Variants in BOD1L1 observed in about 807,000 individuals in gnomAD.
BOD1L1 encodes biorientation of chromosomes in cell division protein 1-like 1.
BOD1L1 carries 86 observed loss-of-function variants against 240.7 expected under a neutral mutation model. That is an observed-to-expected ratio of 0.36 (90% CI 0.30 to 0.43). The LOEUF is 0.43. Among genes scored for constraint, BOD1L1 ranks in the 20% least tolerant of loss-of-function variants. The pLI, the probability that BOD1L1 is intolerant of heterozygous loss-of-function variation, is 1.00. For missense variants in BOD1L1, 3,554 were observed against 3,643.5 expected (o/e 0.98, Z 0.63); for synonymous variants, 1,268 against 1,272.3 (o/e 1.00, Z 0.07).
At chr4:13,625,878 T>C (rs1035309708) in intron 1 of BOD1L1, 13 of 152,156 alleles carry the variant, frequency 8.5e-5, no homozygotes, top group African/African-American at 1.7e-4. Context: ...ACGTTTTACA[T>C]AGTGGGCCCA....
At chr4:13,573,470 A>ATCTATCTATCTT (rs71169517) in intron 25 of BOD1L1, among the ~76,000 whole-genome samples, 1,244 of 122,692 alleles carry the variant, frequency 0.01, 15 homozygotes, top group Non-Finnish European at 0.012. Flanking sequence ...CTATCTATCT[A>ATCTATCTATCTT]TCTTTCTTTC....
chr4:13,591,271 T>A (rs888459228), intron 13 of BOD1L1, among the ~76,000 whole-genome samples: 1 of 152,230 alleles, frequency 6.6e-6, no homozygotes, highest in Non-Finnish European at 1.5e-5. Flanking sequence ...TTTCTTCTTA[T>A]TCAGCATATG....
chr4:13,611,208 A>C (rs1716144303), intron 5 of BOD1L1, 108 bp from the exon 6 acceptor site: 3 of 700,004 alleles, frequency 4.3e-6, no homozygotes, highest in Non-Finnish European at 6.8e-6. Flanking sequence ...CAAAAGGGGA[A>C]ATATCAGGAT....
intron 22 of BOD1L1, among the ~76,000 whole-genome samples, chr4:13,579,085 T>C (rs1713007691): frequency 6.6e-6 from 1 of 152,180 alleles, no homozygotes; most frequent in Admixed American, 6.6e-5. Context: ...TTGTCCTTTT[T>C]TGCAAGTTTA....
At chr4:13,627,029 C>A (rs1043522402) in intron 1 of BOD1L1, among the ~76,000 whole-genome samples, 1 of 152,196 alleles carries the variant, frequency 6.6e-6, no homozygotes, top group Admixed American at 6.6e-5. Flanking sequence ...AAAGTAAAAT[C>A]ATCAGATATG....
chr4:13,627,451 G>T lies in BOD1L1; in HGVS notation c.137C>A (p.Ala46Glu). The T allele has an allele frequency of 1.6e-6, 2 of 1,217,140 alleles. No individual in the cohort carries two copies. Among genetic ancestry groups the T allele is most frequent in the South Asian group, 2.5e-5 (1 of 40,538 alleles). The allele number at this position is 1,217,140 out of a possible 1,614,324, so 75.4% of individuals were successfully genotyped here. ...CACGAGCTGCGGGTCCCCGGCGCCC[G>T]CACCCGCGCCGCCCGCCCCGCCCGC... is the stretch of plus-strand genomic sequence containing the variant. ...PGAGGAGGAG[A>E]GAGDPQLVAM... Residue 46 changes from alanine to glutamate, a missense_variant, in exon 1 of 26, where the codon GCG becomes GAG. Coordinates refer to ENST00000040738, the MANE Select transcript of BOD1L1 (RefSeq NM_148894.3).
At chr4:13,595,767 G>T in intron 12 of BOD1L1, 93 bp downstream of exon 12, 1 of 920,936 alleles carries the variant, frequency 1.1e-6, no homozygotes, top group Non-Finnish European at 1.7e-6. Flanking sequence ...GAGCCTGTAT[G>T]TTACTATGCA....
chr4:13,577,482 A>G lies in BOD1L1; in HGVS notation c.8805T>C (p.Asp2935=). 1 of 1,613,442 alleles carries G rather than the reference A, an allele frequency of 6.2e-7. No homozygotes were observed. Among genetic ancestry groups the G allele is most frequent in the Non-Finnish European group, 8.5e-7 (1 of 1,179,634 alleles). ...NLQERSISND[D]GEEKIVTSVR... ...CACTTGTTACTATTTTTTCTTCACC[A>G]TCATCCTAGAAGCAATAAAATTAAA... The change falls in exon 24 of 26, where the codon GAT becomes GAC. Residue 2935 remains aspartate (D), a synonymous_variant. Coordinates refer to ENST00000040738, the MANE Select transcript of BOD1L1 (RefSeq NM_148894.3).
intron 25 of BOD1L1, 133 bp from the exon 26 acceptor site, chr4:13,570,261 T>A (rs945978438): frequency 1.7e-6 from 1 of 589,226 alleles, no homozygotes; most frequent in Non-Finnish European, 2.8e-6. Flanking sequence ...CATTTATACA[T>A]GAAAAGGAGC....
chr4:13,599,602 T>C lies in BOD1L1; in HGVS notation c.7298A>G (p.Lys2433Arg). Residue 2433 changes from lysine to arginine, a missense_variant, in exon 10 of 26, where the codon AAG (lysine) becomes AGG (arginine). This residue lies in a region of BOD1L1 where 3,393 missense variants were observed against 3,427.1 expected (regional missense o/e 0.99). Coordinates refer to ENST00000040738, the MANE Select transcript of BOD1L1 (RefSeq NM_148894.3). ...PSAVCAEKEE[K>R]HGKECPEIGP... Reference sequence around the variant, plus strand: ...TATTTCGGGGCACTCCTTGCCATGCTTCTCTTCTTTTTCCGCACAAACAGC... The same window carrying C: ...TATTTCGGGGCACTCCTTGCCATGCCTCTCTTCTTTTTCCGCACAAACAGC... The C allele has an allele frequency of 6.2e-7, 1 of 1,614,036 alleles. No homozygotes were observed. The highest frequency in any genetic ancestry group is 1.1e-5 in the South Asian group (1 of 91,088).
chr4:13,582,250 A>T lies in BOD1L1; in HGVS notation c.8579T>A (p.Ile2860Lys). ...EKPEQNDDDTIKSQEEDQPII... is the reference protein window; with the variant it reads ...EKPEQNDDDTKKSQEEDQPII... ...AGCACATCTCACCTCCTGAGATTTT[A>T]TGGTGTCATCATCGTTCTGCTCTGG... is the stretch of plus-strand genomic sequence containing the variant. The change falls in exon 19 of 26, where the codon ATA becomes AAA. Residue 2860 changes from isoleucine (I) to lysine (K), a missense_variant. This residue lies in a region of BOD1L1 where 3,393 missense variants were observed against 3,427.1 expected (regional missense o/e 0.99). Coordinates refer to ENST00000040738, the MANE Select transcript of BOD1L1 (RefSeq NM_148894.3). The T allele has an allele frequency of 6.2e-7, 1 of 1,613,034 alleles. No individual in the cohort carries two copies. Among genetic ancestry groups the T allele is most frequent in the Non-Finnish European group, 8.5e-7 (1 of 1,179,282 alleles).
rs1716376657 is a variant in BOD1L1, at chr4:13,613,999, G to A, written c.1174+197C>T. Among the ~76,000 whole-genome samples the A allele has an allele frequency of 6.6e-6, 1 of 152,050 alleles. No individual in the cohort carries two copies. The highest frequency in any genetic ancestry group is 2.4e-5 in the African/African-American group (1 of 41,384). On this transcript the variant is annotated intron_variant, in intron 4 of 25. Transcript: ENST00000040738. This position sits in a 1 kb window ranked among gnomAD's most constrained non-coding sequence, Gnocchi z 4.0. ...GACAAATTATAAATTAATAACTTCT[G>A]TTAATTTACTCTGTGAACAGATATA...
rs1337819061 is a variant in BOD1L1, at chr4:13,603,563, A to G, written c.3337T>C (p.Leu1113=). The change falls in exon 10 of 26, where the codon TTG becomes CTG. Residue 1113 remains leucine (L), a synonymous_variant. Coordinates refer to ENST00000040738, the MANE Select transcript of BOD1L1 (RefSeq NM_148894.3). The part of the protein sequence containing the change: ...QRPKKSGDMT[L]IPEQEPMEID... ...TCCATTGGCTCTTGTTCAGGGATCA[A>G]TGTCATATCACCACTCTTTTTTGGT... 1.2e-6 allele frequency: 2 copies of G among 1,613,878 alleles called. No homozygotes were observed. The highest frequency in any genetic ancestry group is 1.3e-5 in the African/African-American group (1 of 74,920).
intron 24 of BOD1L1, 102 bp downstream of exon 24, chr4:13,577,301 A>G (rs950381057): frequency 2.2e-6 from 2 of 909,922 alleles, no homozygotes; most frequent in Admixed American, 2.8e-5. Context: ...TATAATATTA[A>G]TATTAGCTGT....
chr4:13,627,367 C>T lies in BOD1L1; in HGVS notation c.221G>A (p.Cys74Tyr). ...AACCTTGGTGTCCACGTCGGCCAGG[C>T]AGTCTCTGCGGAACTGGTCGAAGAG... ...QGLFDQFRRD[C>Y]LADVDTKPAY... Residue 74 changes from cysteine (C) to tyrosine (Y), a missense_variant, in exon 1 of 26, where the codon TGC becomes TAC. Cys to Tyr is a radical substitution (Grantham distance 194). Around this residue, in one of 2 missense-constraint regions of BOD1L1, gnomAD observed 161 missense variants for 216.4 expected, o/e 0.74. Coordinates refer to ENST00000040738, the MANE Select transcript of BOD1L1 (RefSeq NM_148894.3). 1 of 1,344,384 alleles carries T rather than the reference C, an allele frequency of 7.4e-7. No homozygotes were observed. The highest frequency in any genetic ancestry group is 9.6e-7 in the Non-Finnish European group (1 of 1,036,774). The allele number at this position is 1,344,384 out of a possible 1,614,324, so 83.3% of individuals were successfully genotyped here.
chr4:13,575,305 GATCA>G (rs1358622146), intron 25 of BOD1L1, among the ~76,000 whole-genome samples: 19 of 151,994 alleles, frequency 1.3e-4, no homozygotes, highest in East Asian at 1.9e-4. Flanking sequence ...TGAACTTTTT[GATCA>G]ATCTTGAATA....
At position 13,603,744 on chromosome 4, in the gene BOD1L1, A is replaced by G; in HGVS notation, c.3156T>C (p.His1052=). The change falls in exon 10 of 26, where the codon CAT becomes CAC. Residue 1052 remains histidine (H), a synonymous_variant. Transcript: ENST00000040738. ...DKDGKEVDSS[H]EKARGNSSLM... ...GTGAACTATTACCTCTGGCCTTTTC[A>G]TGACTACTGTCAACTTCTTTACCAT... 1 of 1,613,816 alleles carries G rather than the reference A, an allele frequency of 6.2e-7. No individual in the cohort carries two copies. The highest frequency in any genetic ancestry group is 8.5e-7 in the Non-Finnish European group (1 of 1,179,858).
chr4:13,603,625 T>C lies in BOD1L1; in HGVS notation c.3275A>G (p.Asn1092Ser), dbSNP rs770793693. The change falls in exon 10 of 26, where the codon AAC (asparagine) becomes AGC (serine). Residue 1092 changes from asparagine (N) to serine (S), a missense_variant. Asn to Ser is a conservative substitution (Grantham distance 46, BLOSUM62 1). Transcript: ENST00000040738. ...GGAACCGCTGGGAGTGCTCAAAGTG[T>C]TTGCTGCTAATTTTTCTTCTCCTTT... Reference protein sequence around the residue: ...MAKGEEKLAANTLSTPSGSSL... With the variant: ...MAKGEEKLAASTLSTPSGSSL... 14 of 1,613,792 alleles carry C rather than the reference T, an allele frequency of 8.7e-6. No individual in the cohort carries two copies. The highest frequency in any genetic ancestry group is 1.2e-5 in the Non-Finnish European group (14 of 1,179,876).
intron 11 of BOD1L1, among the ~76,000 whole-genome samples, chr4:13,596,563 T>C (rs1302584878): frequency 7.2e-6 from 1 of 139,784 alleles, no homozygotes; most frequent in Non-Finnish European, 1.5e-5. Flanking sequence ...GACTAAATTG[T>C]GTAAAGCACC....
Sources: allele counts gnomAD v4.1 joint callset (sites outside exome capture counted in the v4.1 genomes callset), GRCh38; gene constraint gnomAD v4.1.1; regional missense constraint gnomAD v4.1.1; non-coding constraint Gnocchi (gnomAD v3.1); transcripts MANE v1.5; gene names NCBI Gene and HGNC (gene_info 2026-07-23, HGNC 2026-07-21).